PAK2: variants seen among roughly 807,000 people sequenced by gnomAD.
PAK2 encodes serine/threonine-protein kinase PAK 2.
Under a neutral mutation model 65.9 loss-of-function variants are expected in PAK2, and 21 were observed. That is an observed-to-expected ratio of 0.32 (90% CI 0.23 to 0.46). The LOEUF is 0.46. Ranked by LOEUF, PAK2 falls within the 20% of genes least tolerant of loss-of-function variation. The probability of loss-of-function intolerance (pLI) is 1.00; values close to 1 mark genes in which losing one functional copy is unlikely to be tolerated. For missense variants in PAK2, 324 were observed against 642.6 expected, an observed-to-expected ratio of 0.50 and a Z score of 5.36; for synonymous variants, 204 against 219.7, an observed-to-expected ratio of 0.93 and a Z score of 0.63.
chr3:196,778,332 A>G (rs1341492277), intron 1 of PAK2, among the ~76,000 whole-genome samples: 2 of 152,166 alleles, frequency 1.3e-5, no homozygotes, highest in African/African-American at 2.4e-5. Flanking sequence ...TTTGGCTGTT[A>G]TGAATGCTTC....
chr3:196,793,443 C>T (rs1309156392), intron 2 of PAK2, among the ~76,000 whole-genome samples: 1 of 152,162 alleles, frequency 6.6e-6, no homozygotes, highest in East Asian at 1.9e-4. Context: ...AGGTACCTTG[C>T]ATGCATGCTG....
intron 14 of PAK2, 90 bp downstream of exon 14, chr3:196,827,423 C>A (rs1261196572): frequency 6.5e-7 from 1 of 1,531,166 alleles, no homozygotes; most frequent in Non-Finnish European, 8.7e-7. Flanking sequence ...GTAGATTTCA[C>A]TACTCATTGA....
chr3:196,795,565 G>C (rs1226874350), intron 2 of PAK2, among the ~76,000 whole-genome samples: 1 of 152,012 alleles, frequency 6.6e-6, no homozygotes, highest in Non-Finnish European at 1.5e-5. Flanking sequence ...ATAGGACGAA[G>C]ATAGAGTGAT....
At chr3:196,750,756 TAAAA>T (rs869208797) in intron 1 of PAK2, among the ~76,000 whole-genome samples, 11 of 147,582 alleles carry the variant, frequency 7.5e-5, no homozygotes, top group Admixed American at 1.4e-4. Context: ...AAATAAAGTT[TAAAA>T]AAAAAAAAAA....
chr3:196,785,886 T>C (rs971110824), intron 2 of PAK2, among the ~76,000 whole-genome samples: 2 of 152,140 alleles, frequency 1.3e-5, no homozygotes, highest in Non-Finnish European at 2.9e-5. Flanking sequence ...TTCAGTTACC[T>C]CCTACTGGGT....
chr3:196,780,340 T>G (rs1242611655), intron 1 of PAK2, among the ~76,000 whole-genome samples: 1 of 152,230 alleles, frequency 6.6e-6, no homozygotes, highest in African/African-American at 2.4e-5. Context: ...AGAGGTTTAA[T>G]TGGACTTACA....
At position 196,761,339 on chromosome 3, in the gene PAK2, T is replaced by A. The variant is rs575348759; in HGVS notation, c.-22+21182T>A. Among the ~76,000 whole-genome samples the A allele has an allele frequency of 3.9e-3, 364 of 92,556 alleles. 11 individuals are homozygous for A. Among genetic ancestry groups the A allele is most frequent in the Admixed American group, 0.023 (165 of 7,262 alleles). 60.7% of individuals were successfully genotyped at this position (92,556 alleles called of 152,430 possible). On this transcript the variant is annotated intron_variant, in intron 1 of 14. Transcript: ENST00000327134. Reference sequence around the variant, plus strand: ...TGTTTGTGTCCCTGATTACTTGAGATTAGGGATTGGTGATGACTCTTAACG... The same window carrying A: ...TGTTTGTGTCCCTGATTACTTGAGAATAGGGATTGGTGATGACTCTTAACG...
At chr3:196,814,355 T>C (rs1383487323) in intron 10 of PAK2, 96 bp from the exon 11 acceptor site, 4 of 620,356 alleles carry the variant, frequency 6.4e-6, no homozygotes, top group Admixed American at 5.9e-5. Context: ...TCTAGTTTTA[T>C]TGTTAGGGTG....
At chr3:196,740,387 T>C (rs1713148188) in intron 1 of PAK2, among the ~76,000 whole-genome samples, 2 of 152,166 alleles carry the variant, frequency 1.3e-5, no homozygotes, top group South Asian at 2.1e-4. Flanking sequence ...GGAAGCTCGC[T>C]GGGCTGCGGA....
At chr3:196,812,174 G>GTGAT in intron 8 of PAK2, 45 bp from the exon 9 acceptor site, 1 of 1,067,220 alleles carries the variant, frequency 9.4e-7, no homozygotes. Flanking sequence ...GCAAATGCTA[G>GTGAT]TGATTTATCA....
At chr3:196,746,049 G>A (rs925343164) in intron 1 of PAK2, among the ~76,000 whole-genome samples, 5 of 149,288 alleles carry the variant, frequency 3.3e-5, no homozygotes, top group African/African-American at 9.9e-5. Flanking sequence ...GGATGGTCTC[G>A]ATCTCCTGAC....
At position 196,802,156 on chromosome 3, in the gene PAK2, T is replaced by G. The variant is rs1439928559; in HGVS notation, c.288+129T>G. 5 of 644,640 alleles carry G rather than the reference T, an allele frequency of 7.8e-6. No homozygotes were observed. In the African/African-American group the frequency reaches 9.1e-5, roughly 12 times the overall value. The allele number at this position is 644,640 out of a possible 1,614,324, so 39.9% of individuals were successfully genotyped here. A position where few individuals can be genotyped will look rare whatever the true frequency, so the allele number is the denominator to read the frequency against. ...GCACACGCCTGTAATCCCAGCACTTTGGGAGGCCAAGGCTGGCAGATCATT... is the reference window on the plus strand; with the variant it reads ...GCACACGCCTGTAATCCCAGCACTTGGGGAGGCCAAGGCTGGCAGATCATT... On this transcript the variant is annotated intron_variant, in intron 3 of 14. Coordinates refer to ENST00000327134, the MANE Select transcript of PAK2 (RefSeq NM_002577.4).
intron 1 of PAK2, among the ~76,000 whole-genome samples, chr3:196,744,950 A>G (rs1188416323): frequency 6.6e-6 from 1 of 151,302 alleles, no homozygotes; most frequent in Non-Finnish European, 1.5e-5. Flanking sequence ...TTTGAATTGC[A>G]TTCCAAAAAG....
intron 1 of PAK2, among the ~76,000 whole-genome samples, chr3:196,762,578 C>A (rs1049933855): frequency 6.7e-6 from 1 of 149,964 alleles, no homozygotes; most frequent in East Asian, 2.0e-4. Context: ...CGCAGGCACT[C>A]GGCAGGCTGA....
chr3:196,817,400 G>C (rs1711513874), intron 11 of PAK2, among the ~76,000 whole-genome samples: 1 of 151,952 alleles, frequency 6.6e-6, no homozygotes, highest in African/African-American at 2.4e-5. Context: ...ACCCAGGCTG[G>C]AGTGCAGTGG....
chr3:196,788,280 C>G (rs6773348), intron 2 of PAK2, among the ~76,000 whole-genome samples: 1 of 152,044 alleles, frequency 6.6e-6, no homozygotes, highest in Non-Finnish European at 1.5e-5. Flanking sequence ...GACCTTAAGA[C>G]TTTTGCCATC....
chr3:196,818,541 G>C (rs1444040918), intron 12 of PAK2, among the ~76,000 whole-genome samples: 3 of 151,998 alleles, frequency 2.0e-5, no homozygotes, highest in Admixed American at 2.0e-4. Context: ...TAATTTTTGT[G>C]TTTTTAGTAA....
At chr3:196,780,160 TTA>T (rs1341109264) in intron 1 of PAK2, among the ~76,000 whole-genome samples, 1 of 152,356 alleles carries the variant, frequency 6.6e-6, no homozygotes, top group East Asian at 1.9e-4. Flanking sequence ...CAGCACTGCC[TTA>T]GATCCTGCCC....
chr3:196,804,474 T>C (rs1278337455), intron 4 of PAK2, among the ~76,000 whole-genome samples: 1 of 151,904 alleles, frequency 6.6e-6, no homozygotes, highest in African/African-American at 2.4e-5. Context: ...TGTGTGTGTT[T>C]TGTTTTGTTT....
Sources: gnomAD v4.1 joint callset for allele counts (sites outside exome capture counted in the v4.1 genomes callset) on GRCh38, gnomAD v4.1.1 for gene constraint, MANE v1.5 for transcripts, NCBI Gene and HGNC (gene_info 2026-07-23, HGNC 2026-07-21) for gene names.